KALRN: variants seen among roughly 807,000 people sequenced by gnomAD.
KALRN encodes the protein kalirin RhoGEF kinase.
A neutral mutation model predicts 353.7 loss-of-function variants in KALRN; 70 were observed. The ratio of observed to expected loss-of-function variants is 0.20; its 90% CI spans 0.16 to 0.24. The LOEUF is 0.24. Among genes scored for constraint, KALRN ranks in the 10% least tolerant of loss-of-function variants. The probability of loss-of-function intolerance (pLI) is 1.00; values close to 1 mark genes in which losing one functional copy is unlikely to be tolerated. For synonymous variants in KALRN, 1,391 were observed against 1,434.8 expected (o/e 0.97, Z 0.69); for missense variants, 2,791 against 3,756.7 (o/e 0.74, Z 6.72).
At chr3:124,393,123 G>A (rs1300356619) in intron 11 of KALRN, among the ~76,000 whole-genome samples, 1 of 152,082 alleles carries the variant, frequency 6.6e-6, no homozygotes, top group Non-Finnish European at 1.5e-5. Context: ...CTGCCACCAT[G>A]CCTGGCTAAT....
In KALRN at chr3:124,117,636, G is replaced by A. The variant is rs141325918; in HGVS notation, c.73+83823G>A. Among the ~76,000 whole-genome samples the A allele has an allele frequency of 2.1e-3, 318 of 152,208 alleles. 1 individual carries two copies. Among genetic ancestry groups the A allele is most frequent in the African/African-American group, 7.0e-3 (290 of 41,520 alleles). ...GGAACATTAAGGCAGTGTGTGTGTC[G>A]GGGGAGTGGGGTGGGTGGTGTTTAG... On this transcript the variant is annotated intron_variant, in intron 1 of 59. Transcript: ENST00000682506.
intron 2 of KALRN, among the ~76,000 whole-genome samples, chr3:124,233,393 G>A (rs2079397539): frequency 6.6e-6 from 1 of 152,198 alleles, no homozygotes; most frequent in Non-Finnish European, 1.5e-5. Flanking sequence ...GATGAGACAA[G>A]GGTGGTTATC....
Position 124,488,267 on chromosome 3 carries a change from A to T in KALRN, c.4348A>T (p.Ser1450Cys). 2 of 1,614,060 alleles carry T rather than the reference A, an allele frequency of 1.2e-6. No homozygotes were observed. The highest frequency in any genetic ancestry group is 1.7e-6 in the Non-Finnish European group (2 of 1,179,916). The change falls in exon 29 of 60, where the codon AGT becomes TGT. Residue 1450 changes from serine to cysteine, a missense_variant. Physicochemically the swap from Ser to Cys is moderately radical, Grantham distance 112. This residue lies in a region of KALRN where 54 missense variants were observed against 131.7 expected (regional missense o/e 0.41). Transcript: ENST00000682506. ...CAAGGATGGCCTGGAGGTGATGCTC[A>T]GTGTCCCAAAGAAAGCCAATGATGC... ...ELKDGLEVML[S>C]VPKKANDAMH...
chr3:124,524,323 G>T (rs137984222), intron 33 of KALRN, among the ~76,000 whole-genome samples: 2 of 152,250 alleles, frequency 1.3e-5, no homozygotes, highest in Non-Finnish European at 2.9e-5. Flanking sequence ...ACTAGTCTGC[G>T]ATTCTGAGTA....
rs565561195 is a variant in KALRN, at chr3:124,163,531, C to T, written c.74-64459C>T. On this transcript the variant is annotated intron_variant, in intron 1 of 59. Transcript: ENST00000682506. The stretch of plus-strand genomic sequence containing the variant: ...CCATCTAATGCTGCATTATGGCATG[C>T]ATTTCTTTAGCCTAAATCTGTCAGT... The T allele has an allele frequency of 1.2e-4, 110 of 901,308 alleles. No individual in the cohort carries two copies. The South Asian group carries it at 5.1e-3, about 42-fold the overall frequency. 55.8% of individuals were successfully genotyped at this position (901,308 alleles called of 1,614,324 possible). A position where few individuals can be genotyped will look rare whatever the true frequency, so the allele number is the denominator to read the frequency against.
intron 6 of KALRN, among the ~76,000 whole-genome samples, chr3:124,320,587 G>A (rs1255204391): frequency 1.3e-5 from 2 of 152,236 alleles, no homozygotes; most frequent in Admixed American, 1.3e-4. Flanking sequence ...CTTGTATGAG[G>A]ACAAGATGGC....
chr3:124,392,725 C>G (rs2089606399), intron 11 of KALRN, among the ~76,000 whole-genome samples: 1 of 148,462 alleles, frequency 6.7e-6, no homozygotes, highest in Non-Finnish European at 1.5e-5. Context: ...CTGCCTCAGC[C>G]TCCCAAGTAG....
Position 124,434,294 on chromosome 3 carries a change from T to C in KALRN, c.2830-13T>C, listed in dbSNP as rs1033133453. 3.7e-6 allele frequency: 6 copies of C among 1,610,812 alleles called. No individual in the cohort carries two copies. The highest frequency in any genetic ancestry group is 5.1e-6 in the Non-Finnish European group (6 of 1,178,924). On this transcript the variant is annotated splice_polypyrimidine_tract_variant and intron_variant, in intron 16 of 59. Coordinates refer to ENST00000682506, the MANE Select transcript of KALRN (RefSeq NM_001388419.1). ...TGTTCCCACGGACCTTTCTCTCCTCTCCTTGTGCCCAGTCCCTCTTTCATG... is the reference window on the plus strand; with the variant it reads ...TGTTCCCACGGACCTTTCTCTCCTCCCCTTGTGCCCAGTCCCTCTTTCATG...
intron 9 of KALRN, among the ~76,000 whole-genome samples, chr3:124,345,378 T>C (rs2082161899): frequency 6.6e-6 from 1 of 152,330 alleles, no homozygotes; most frequent in South Asian, 2.1e-4. Flanking sequence ...TGAGATCTAA[T>C]TGTGGCAAGC....
intron 8 of KALRN, among the ~76,000 whole-genome samples, chr3:124,331,510 A>G (rs910958886): frequency 6.6e-6 from 1 of 152,360 alleles, no homozygotes. Context: ...CACTTGGCCC[A>G]GTGTCTGACA....
At chr3:124,148,637 A>T (rs537917135) in intron 1 of KALRN, among the ~76,000 whole-genome samples, 4 of 152,194 alleles carry the variant, frequency 2.6e-5, no homozygotes, top group Non-Finnish European at 5.9e-5. Flanking sequence ...TTAATCAATT[A>T]TTGAAATTAA....
chr3:124,561,632 A>G (rs926148132), intron 33 of KALRN, among the ~76,000 whole-genome samples: 1 of 152,186 alleles, frequency 6.6e-6, no homozygotes, highest in Non-Finnish European at 1.5e-5. Flanking sequence ...CAAGTGCACT[A>G]ATATGGCCAC....
chr3:124,551,464 C>G lies in KALRN; in HGVS notation c.4936-11379C>G, dbSNP rs146217002. Among the ~76,000 whole-genome samples the G allele has an allele frequency of 5.3e-3, 808 of 152,270 alleles. 6 individuals carry two copies. Among genetic ancestry groups the G allele is most frequent in the Middle Eastern group, 6.8e-3 (2 of 294 alleles). ...CACATGTGCTGGATCTGGGGTGGTG[C>G]CAGCACAGCTGGAGATGGGCTCATG... On this transcript the variant is annotated intron_variant, in intron 33 of 59. Coordinates refer to ENST00000682506, the MANE Select transcript of KALRN (RefSeq NM_001388419.1).
At chr3:124,691,871 C>G (rs185698715) in intron 51 of KALRN, among the ~76,000 whole-genome samples, 2 of 152,268 alleles carry the variant, frequency 1.3e-5, no homozygotes, top group Admixed American at 1.3e-4. Flanking sequence ...ACATCCTTCC[C>G]CATGCCATGC....
At chr3:124,468,904 T>A (rs960038067) in intron 25 of KALRN, among the ~76,000 whole-genome samples, 2 of 152,234 alleles carry the variant, frequency 1.3e-5, no homozygotes, top group African/African-American at 4.8e-5. Context: ...TTCAGTAAGC[T>A]ATCAACATTG....
intron 1 of KALRN, among the ~76,000 whole-genome samples, chr3:124,137,515 G>A (rs1396943759): frequency 2.6e-5 from 4 of 152,148 alleles, no homozygotes; most frequent in Admixed American, 2.6e-4. Context: ...TGGTTGAAAA[G>A]GGGAAATGAA....
chr3:124,573,133 C>T (rs890339743), intron 34 of KALRN, among the ~76,000 whole-genome samples: 13 of 152,074 alleles, frequency 8.5e-5, no homozygotes, highest in African/African-American at 1.2e-4. Context: ...TGAAATAAGC[C>T]GGATGTGATC....
At chr3:124,419,075 GAAA>G (rs891160374) in intron 14 of KALRN, among the ~76,000 whole-genome samples, 1 of 145,606 alleles carries the variant, frequency 6.9e-6, no homozygotes, top group East Asian at 2.0e-4. Context: ...CAGTCTAAAA[GAAA>G]AAAAAAAATT....
At chr3:124,231,214 G>A (rs1262071785) in intron 2 of KALRN, among the ~76,000 whole-genome samples, 5 of 152,228 alleles carry the variant, frequency 3.3e-5, no homozygotes, top group African/African-American at 9.6e-5. Flanking sequence ...GTCCCTCAGT[G>A]AGCCTCCGTT....
Sources: gnomAD v4.1 joint callset for allele counts (sites outside exome capture counted in the v4.1 genomes callset) on GRCh38, gnomAD v4.1.1 for gene constraint, gnomAD v4.1.1 regional missense constraint, MANE v1.5 for transcripts, NCBI Gene and HGNC (gene_info 2026-07-23, HGNC 2026-07-21) for gene names.